STT3B: variants seen among roughly 807,000 people sequenced by gnomAD.
STT3B encodes dolichyl-diphosphooligosaccharide--protein glycosyltransferase subunit STT3B.
A neutral mutation model predicts 96.8 loss-of-function variants in STT3B; 29 were observed. The observed-to-expected ratio is 0.30, with a 90% CI of 0.22 to 0.41. The LOEUF (loss-of-function observed/expected upper bound fraction) is 0.41. Among genes scored for constraint, STT3B ranks in the 10% least tolerant of loss-of-function variants. STT3B has a pLI of 1.00. For synonymous variants in STT3B, 367 were observed against 360.0 expected, an observed-to-expected ratio of 1.02 and a Z score of -0.22; for missense variants, 640 against 1,022.3, an observed-to-expected ratio of 0.63 and a Z score of 5.10.
rs115764442 is a variant in STT3B at position 31,613,159 on chromosome 3, G to A, written c.878-1946G>A. On this transcript the variant is annotated intron_variant, in intron 5 of 15. Transcript: ENST00000295770. Reference sequence around the variant, plus strand: ...GGGTAGTGGTTGCACAACCTTATGCGTGTACTCAATATCCCTGAATTTGTT... The same window carrying A: ...GGGTAGTGGTTGCACAACCTTATGCATGTACTCAATATCCCTGAATTTGTT... 5.3e-3 allele frequency among the ~76,000 whole-genome samples: 810 copies of A among 152,098 alleles called. 10 individuals are homozygous for A. The highest frequency in any genetic ancestry group is 0.018 in the African/African-American group (752 of 41,518).
chr3:31,542,943 G>A (rs1164272495), intron 1 of STT3B, among the ~76,000 whole-genome samples: 2 of 151,876 alleles, frequency 1.3e-5, no homozygotes, highest in East Asian at 3.9e-4. Context: ...GTAGGCACCT[G>A]TAATCCCAGC....
chr3:31,567,902 G>A (rs1698042213), intron 1 of STT3B, among the ~76,000 whole-genome samples: 1 of 151,688 alleles, frequency 6.6e-6, no homozygotes, highest in Admixed American at 6.6e-5. Flanking sequence ...TAAATTATTT[G>A]TTGTGCTATC....
At chr3:31,565,037 C>T (rs1697968819) in intron 1 of STT3B, among the ~76,000 whole-genome samples, 2 of 152,182 alleles carry the variant, frequency 1.3e-5, no homozygotes, top group Non-Finnish European at 2.9e-5. Flanking sequence ...AACCTTTTAA[C>T]ATGCCTGCCT....
At chr3:31,609,812 C>A (rs946442069) in intron 5 of STT3B, among the ~76,000 whole-genome samples, 1 of 152,112 alleles carries the variant, frequency 6.6e-6, no homozygotes, top group Non-Finnish European at 1.5e-5. Context: ...GCAGGCTGGT[C>A]TTTAACTCCC....
chr3:31,539,966 T>C (rs768854409), intron 1 of STT3B, among the ~76,000 whole-genome samples: 1 of 152,132 alleles, frequency 6.6e-6, no homozygotes, highest in Non-Finnish European at 1.5e-5. Context: ...GTTGGCCCCC[T>C]GTTTCTATTT....
chr3:31,598,460 C>T (rs1467577006), intron 4 of STT3B, among the ~76,000 whole-genome samples: 1 of 152,078 alleles, frequency 6.6e-6, no homozygotes, highest in Non-Finnish European at 1.5e-5. Flanking sequence ...AAAGAGTTAA[C>T]TAAAAAGAGA....
rs1699780570 is a variant in STT3B at position 31,637,542 on chromosome 3, T to C, written c.*1478T>C. On this transcript the variant is annotated 3_prime_UTR_variant, in exon 16 of 16. Coordinates refer to ENST00000295770, the MANE Select transcript of STT3B (RefSeq NM_178862.3). ...ATACCTTGTCATTTGGGGGATTTTA[T>C]TTTACTTTGTTGCTTTAAAATTCAA... 1 of 152,196 alleles carries C rather than the reference T, an allele frequency of 6.6e-6. No individual in the cohort carries two copies. Among genetic ancestry groups the C allele is most frequent in the Admixed American group, 6.5e-5 (1 of 15,284 alleles). The allele number at this position is 152,196 out of a possible 1,614,324, so 9.4% of individuals were successfully genotyped here. A position where few individuals can be genotyped will look rare whatever the true frequency, so the allele number is the denominator to read the frequency against.
At chr3:31,593,747 T>C (rs1698721866) in intron 3 of STT3B, among the ~76,000 whole-genome samples, 1 of 151,028 alleles carries the variant, frequency 6.6e-6, no homozygotes, top group Non-Finnish European at 1.5e-5. Flanking sequence ...TAGGAGAATA[T>C]GTATCTCTGT....
intron 4 of STT3B, among the ~76,000 whole-genome samples, chr3:31,599,600 A>T (rs1001391988): frequency 6.6e-6 from 1 of 152,200 alleles, no homozygotes; most frequent in Non-Finnish European, 1.5e-5. Flanking sequence ...TGTTGATACA[A>T]ATGAGCCTTT....
chr3:31,553,685 G>A (rs1697626404), intron 1 of STT3B, among the ~76,000 whole-genome samples: 1 of 152,104 alleles, frequency 6.6e-6, no homozygotes, highest in Admixed American at 6.6e-5. Flanking sequence ...AATGAAACAT[G>A]TCAATTGGTG....
chr3:31,604,619 C>T (rs900350960), intron 5 of STT3B, among the ~76,000 whole-genome samples: 3 of 152,018 alleles, frequency 2.0e-5, no homozygotes, highest in African/African-American at 7.2e-5. Flanking sequence ...GAATAAAAAC[C>T]TTCGTGTAAG....
chr3:31,622,453 C>T (rs1699450327), intron 10 of STT3B, 145 bp downstream of exon 10: 2 of 679,026 alleles, frequency 2.9e-6, no homozygotes, highest in African/African-American at 3.6e-5. Flanking sequence ...CACTGTTTGC[C>T]TCAAAATATG....
chr3:31,559,451 C>T (rs1219470111), intron 1 of STT3B, among the ~76,000 whole-genome samples: 2 of 150,924 alleles, frequency 1.3e-5, no homozygotes, highest in Admixed American at 6.6e-5. Context: ...AAAATTTTTT[C>T]CTTCACCCAG....
chr3:31,570,084 CTCCTT>C lies in STT3B; in HGVS notation c.315-6309_315-6305del, dbSNP rs543677026. Among the ~76,000 whole-genome samples the C allele has an allele frequency of 2.6e-3, 391 of 152,152 alleles. 2 individuals carry two copies. Among genetic ancestry groups the C allele is most frequent in the African/African-American group, 9.2e-3 (383 of 41,500 alleles). ...CAGTTTATGATTCATCTATAACACT[CTCCTT>C]TCAGCTATTTAAATATTTAAAAAAA... On this transcript the variant is annotated intron_variant, in intron 1 of 15. Coordinates refer to ENST00000295770, the MANE Select transcript of STT3B (RefSeq NM_178862.3).
At position 31,533,129 on chromosome 3, in the gene STT3B, C is replaced by A. The variant is rs777239381; in HGVS notation, c.131C>A (p.Ala44Glu). ...CCCGGGGCCCAGTGCGCGCACAAGG[C>A]GGCGGGCGGCGCGGCGCCGCCGAAG... ...HGPGAQCAHK[A>E]AGGAAPPKPA... is the part of the protein sequence containing the mutation. The change falls in exon 1 of 16, where the codon GCG becomes GAG. Residue 44 changes from alanine to glutamate, a missense_variant. Physicochemically the swap from Ala to Glu is moderately radical, Grantham distance 107. Coordinates refer to ENST00000295770, the MANE Select transcript of STT3B (RefSeq NM_178862.3). 16 of 1,308,066 alleles carry A rather than the reference C, an allele frequency of 1.2e-5. No individual in the cohort carries two copies. The African/African-American group carries it at 2.2e-4, about 18-fold the overall frequency. The allele number at this position is 1,308,066 out of a possible 1,614,324, so 81.0% of individuals were successfully genotyped here.
At position 31,533,564 on chromosome 3, in the gene STT3B, A is replaced by G. The variant is rs76374061; in HGVS notation, c.314+252A>G. ...TTGATTCTCGGCCGGGCTAGTGTGA[A>G]GACTGCCAGGAGTGTGGATGCAGCC... On this transcript the variant is annotated intron_variant, in intron 1 of 15. Transcript: ENST00000295770. The G allele has an allele frequency of 0.23, 76,483 of 334,526 alleles. 9,862 individuals are homozygous for G. The highest frequency in any genetic ancestry group is 0.4 in the African/African-American group (18,497 of 45,760). 20.7% of individuals were successfully genotyped at this position (334,526 alleles called of 1,614,324 possible). A position where few individuals can be genotyped will look rare whatever the true frequency, so the allele number is the denominator to read the frequency against.
At chr3:31,557,905 C>T (rs1697762167) in intron 1 of STT3B, among the ~76,000 whole-genome samples, 4 of 152,344 alleles carry the variant, frequency 2.6e-5, no homozygotes, top group Admixed American at 2.6e-4. Flanking sequence ...GTTGGGATTA[C>T]AGGCGTGAGC....
chr3:31,533,670 A>G (rs112194001), intron 1 of STT3B: 9,861 of 166,574 alleles, frequency 0.059, 379 homozygotes, highest in African/African-American at 0.092. Flanking sequence ...CGGACCCGCC[A>G]CGCCAGGAGG....
At chr3:31,562,685 A>G (rs1285348468) in intron 1 of STT3B, among the ~76,000 whole-genome samples, 1 of 152,200 alleles carries the variant, frequency 6.6e-6, no homozygotes, top group Non-Finnish European at 1.5e-5. Context: ...GCTCTGCAGC[A>G]GCCTGCAGCC....
Sources: gnomAD v4.1 joint callset for allele counts (sites outside exome capture counted in the v4.1 genomes callset) on GRCh38, gnomAD v4.1.1 for gene constraint, MANE v1.5 for transcripts, NCBI Gene and HGNC (gene_info 2026-07-23, HGNC 2026-07-21) for gene names.